The following HDAC9 variants were observed in gnomAD, a reference collection of about 807,000 sequenced individuals.
HDAC9 encodes histone deacetylase 9.
Under a neutral mutation model 139.4 loss-of-function variants are expected in HDAC9, and 41 were observed. That is an observed-to-expected ratio of 0.29 (90% CI 0.23 to 0.38). HDAC9 has a LOEUF of 0.38. Ranked by LOEUF, HDAC9 falls within the 10% of genes least tolerant of loss-of-function variation. The pLI, the probability that HDAC9 is intolerant of heterozygous loss-of-function variation, is 1.00. For synonymous variants in HDAC9, 517 were observed against 476.2 expected, an observed-to-expected ratio of 1.09 and a Z score of -1.12; for missense variants, 1,147 against 1,297.0, an observed-to-expected ratio of 0.88 and a Z score of 1.78.
At chr7:18,548,129 G>A (rs1369663806) in intron 2 of HDAC9, among the ~76,000 whole-genome samples, 2 of 151,982 alleles carry the variant, frequency 1.3e-5, no homozygotes, top group African/African-American at 4.8e-5. Context: ...ATATTCTTGT[G>A]TCTCTGTGAA....
intron 12 of HDAC9, among the ~76,000 whole-genome samples, chr7:18,679,247 T>A (rs1161042288): frequency 1.3e-5 from 2 of 151,836 alleles, no homozygotes; most frequent in East Asian, 3.9e-4. Flanking sequence ...CTCTTTACAT[T>A]CAAATATTAA....
intron 2 of HDAC9, among the ~76,000 whole-genome samples, chr7:18,226,618 A>G (rs1232623066): frequency 6.6e-6 from 1 of 152,216 alleles, no homozygotes; most frequent in Non-Finnish European, 1.5e-5. Flanking sequence ...AGTATGGAAT[A>G]TGGTGGGAAC....
At chr7:18,891,351 C>G (rs1800662691) in intron 22 of HDAC9, among the ~76,000 whole-genome samples, 2 of 152,154 alleles carry the variant, frequency 1.3e-5, no homozygotes, top group Admixed American at 1.3e-4. Flanking sequence ...GAGTGTCAGG[C>G]TACTTGGGAT....
intron 1 of HDAC9, among the ~76,000 whole-genome samples, chr7:18,307,098 TGTGTGTGTGTGTGTG>T (rs1482469601): frequency 2.4e-3 from 15 of 6,168 alleles, no homozygotes; most frequent in Admixed American, 0.023. Flanking sequence ...GGGCAGTTCT[TGTGTGTGTGTGTGTG>T]TGTGTGTGTG....
chr7:18,091,337 G>C (rs979761246), intron 1 of HDAC9, among the ~76,000 whole-genome samples: 7 of 152,210 alleles, frequency 4.6e-5, no homozygotes, highest in Non-Finnish European at 1.0e-4. Context: ...TGGTGAGCTT[G>C]AGGAGCATTG....
chr7:18,129,524 T>G (rs1784878012), intron 1 of HDAC9, among the ~76,000 whole-genome samples: 1 of 152,180 alleles, frequency 6.6e-6, no homozygotes, highest in African/African-American at 2.4e-5. Flanking sequence ...TTATTTTACT[T>G]ATGATTCTGT....
At chr7:18,726,061 C>CT (rs1254689727) in intron 12 of HDAC9, among the ~76,000 whole-genome samples, 2 of 152,152 alleles carry the variant, frequency 1.3e-5, no homozygotes, top group South Asian at 2.1e-4. Flanking sequence ...TTAAATCATT[C>CT]TTTTTTCTAA....
At chr7:18,564,437 A>C (rs1049158605) in intron 2 of HDAC9, among the ~76,000 whole-genome samples, 1 of 152,194 alleles carries the variant, frequency 6.6e-6, no homozygotes. Flanking sequence ...TTTAAAAGAC[A>C]ATTTGTATTC....
chr7:18,738,475 C>T (rs563172333), intron 13 of HDAC9, among the ~76,000 whole-genome samples: 1 of 152,300 alleles, frequency 6.6e-6, no homozygotes, highest in South Asian at 2.1e-4. Flanking sequence ...CATTACTCAG[C>T]ATTTGCTTAT....
intron 1 of HDAC9, among the ~76,000 whole-genome samples, chr7:18,375,331 A>G (rs1784907674): frequency 6.6e-6 from 1 of 152,042 alleles, no homozygotes; most frequent in Non-Finnish European, 1.5e-5. Flanking sequence ...TTAGCTGGGC[A>G]TGGTGGCACA....
At chr7:18,635,783 A>T (rs1018068347) in intron 8 of HDAC9, among the ~76,000 whole-genome samples, 4 of 152,074 alleles carry the variant, frequency 2.6e-5, no homozygotes, top group Admixed American at 6.6e-5. Flanking sequence ...TTCTTGGATC[A>T]TCTCCATAGC....
At chr7:18,455,815 T>A (rs1793294599) in intron 1 of HDAC9, among the ~76,000 whole-genome samples, 1 of 152,198 alleles carries the variant, frequency 6.6e-6, no homozygotes, top group Non-Finnish European at 1.5e-5. Context: ...CAAATTAGAT[T>A]ACTGAAAGCT....
intron 24 of HDAC9, among the ~76,000 whole-genome samples, chr7:18,970,207 G>C (rs146425996): frequency 1.6e-4 from 24 of 152,244 alleles, no homozygotes; most frequent in African/African-American, 4.6e-4. Context: ...AAGAATATCA[G>C]TATATTGTAT....
chr7:18,398,814 G>A (rs1787284604), intron 1 of HDAC9, among the ~76,000 whole-genome samples: 1 of 152,046 alleles, frequency 6.6e-6, no homozygotes, highest in East Asian at 1.9e-4. Context: ...CTGGAAACAT[G>A]TTTATAATGG....
At chr7:18,231,491 A>G (rs938342524) in intron 2 of HDAC9, among the ~76,000 whole-genome samples, 2 of 152,192 alleles carry the variant, frequency 1.3e-5, no homozygotes, top group African/African-American at 4.8e-5. Flanking sequence ...CAACCTAAGT[A>G]TTCAAGAATC....
chr7:18,402,692 T>G (rs1001685455), intron 1 of HDAC9, among the ~76,000 whole-genome samples: 1 of 152,136 alleles, frequency 6.6e-6, no homozygotes, highest in Admixed American at 6.5e-5. Context: ...ATAATGAACA[T>G]AGAGGTGAGA....
At chr7:18,829,600 G>A in intron 19 of HDAC9, 52 bp downstream of exon 19, 2 of 1,154,456 alleles carry the variant, frequency 1.7e-6, no homozygotes, top group South Asian at 1.3e-5. Flanking sequence ...ATAAAGGGGA[G>A]TGGATTTGTA....
chr7:18,995,973 G>C (rs1468602316), intron 25 of HDAC9, 50 bp from the exon 26 acceptor site: 1 of 1,423,406 alleles, frequency 7.0e-7, no homozygotes, highest in Non-Finnish European at 9.7e-7. Flanking sequence ...AATCTACAAT[G>C]TCATTGTGTA....
chr7:18,921,124 A>G (rs1803674237), intron 22 of HDAC9, among the ~76,000 whole-genome samples: 1 of 152,170 alleles, frequency 6.6e-6, no homozygotes, highest in Admixed American at 6.5e-5. Context: ...TAAAACCATA[A>G]AAACCGTAGA....
Sources: allele counts gnomAD v4.1 joint callset (sites outside exome capture counted in the v4.1 genomes callset), GRCh38; gene constraint gnomAD v4.1.1; transcripts MANE v1.5; gene names NCBI Gene and HGNC (gene_info 2026-07-23, HGNC 2026-07-21).